ZNHIT3: variants seen among roughly 807,000 people sequenced by gnomAD.
ZNHIT3 encodes the protein zinc finger HIT-type containing 3.
A neutral mutation model predicts 19.9 loss-of-function variants in ZNHIT3; 27 were observed. That is an observed-to-expected ratio of 1.36 (90% CI 1.00 to 1.87). The LOEUF (loss-of-function observed/expected upper bound fraction) is 1.87. ZNHIT3 is among the 40% of genes most tolerant of loss of function. The probability of loss-of-function intolerance (pLI) is 0.00; values close to 1 mark genes in which losing one functional copy is unlikely to be tolerated. For missense variants in ZNHIT3, 215 were observed against 185.6 expected, an observed-to-expected ratio of 1.16 and a Z score of -0.92; for synonymous variants, 81 against 65.7, an observed-to-expected ratio of 1.23 and a Z score of -1.13.
chr17:36,492,929 A>G (rs892951618), intron 3 of ZNHIT3, 30 bp downstream of exon 3: 13 of 1,597,724 alleles, frequency 8.1e-6, no homozygotes, highest in Non-Finnish European at 1.1e-5. Context: ...ACAAATCTAC[A>G]AGGGACTTCA....
At chr17:36,493,227 G>A in intron 3 of ZNHIT3, 2 of 380,758 alleles carry the variant, frequency 5.3e-6, no homozygotes, top group Non-Finnish European at 9.6e-6. Context: ...GAATCTGGCT[G>A]GGACTGTCAG....
chr17:36,489,310 T>C (rs918278057), intron 2 of ZNHIT3: 1 of 152,172 alleles, frequency 6.6e-6, no homozygotes, highest in Non-Finnish European at 1.5e-5. Flanking sequence ...ATATATACAG[T>C]AGTGGGATTG....
chr17:36,495,990 G>A, downstream of ZNHIT3: 1 of 825,886 alleles, frequency 1.2e-6, no homozygotes, highest in East Asian at 2.9e-5. Context: ...GATCTGTGAA[G>A]GTAGTGAAAT....
downstream of ZNHIT3, chr17:36,499,194 A>T (rs1260322542): frequency 6.5e-7 from 1 of 1,540,526 alleles, no homozygotes; most frequent in East Asian, 2.3e-5. Flanking sequence ...GAAAGAGATA[A>T]TAAAGGGGCC....
chr17:36,495,697 C>G lies in ZNHIT3; in HGVS notation c.*293C>G, dbSNP rs918336803. ...GACATCATAAACGATATCAAGCTTACACTTCATATGGAGTTAAACTTGGTC... is the reference window on the plus strand; with the variant it reads ...GACATCATAAACGATATCAAGCTTAGACTTCATATGGAGTTAAACTTGGTC... On this transcript the variant is annotated 3_prime_UTR_variant, in exon 5 of 5. Transcript: ENST00000617429. 1 of 1,260,656 alleles carries G rather than the reference C, an allele frequency of 7.9e-7. No homozygotes were observed. The highest frequency in any genetic ancestry group is 1.5e-5 in the African/African-American group (1 of 65,164). The allele number at this position is 1,260,656 out of a possible 1,614,324, so 78.1% of individuals were successfully genotyped here.
intron 2 of ZNHIT3, among the ~76,000 whole-genome samples, chr17:36,488,978 C>G (rs1418995135): frequency 6.6e-6 from 1 of 152,190 alleles, no homozygotes; most frequent in Non-Finnish European, 1.5e-5. Context: ...CTACACTCTA[C>G]TCTTCCTAGC....
intron 2 of ZNHIT3, chr17:36,489,241 A>G (rs2070667984): frequency 6.6e-6 from 1 of 152,332 alleles, no homozygotes; most frequent in South Asian, 2.1e-4. Flanking sequence ...TGTTGTGACT[A>G]GCAGTAAACG....
At chr17:36,488,415 C>T (rs549563686) in intron 2 of ZNHIT3, among the ~76,000 whole-genome samples, 48 of 151,902 alleles carry the variant, frequency 3.2e-4, no homozygotes, top group African/African-American at 1.1e-3. Flanking sequence ...TGTGGAGGTG[C>T]GCGCCTGTAA....
At chr17:36,498,882 CACCT>C (rs1555567956), downstream of ZNHIT3, 2 of 597,022 alleles carry the variant, frequency 3.3e-6, no homozygotes, top group Non-Finnish European at 6.0e-6. Context: ...TACCACTCTT[CACCT>C]ACATAACCAC....
intron 4 of ZNHIT3, 117 bp from the exon 5 acceptor site, chr17:36,495,106 T>C: frequency 7.7e-7 from 1 of 1,301,746 alleles, no homozygotes; most frequent in Non-Finnish European, 1.0e-6. Flanking sequence ...ATTACAGGCA[T>C]GAGCCACCAC....
chr17:36,495,303 A>G lies in ZNHIT3; in HGVS notation c.367A>G (p.Lys123Glu), dbSNP rs775176015. ...GGTCAACCTCGATCAGGGAGAAGAC[A>G]AAGCAAAGCTCATGAGAGCTTACAT... ...LMVNLDQGEDKAKLMRAYMQE... is the reference protein window; with the variant it reads ...LMVNLDQGEDEAKLMRAYMQE... The change falls in exon 5 of 5, where the codon AAA (lysine) becomes GAA (glutamate). Residue 123 changes from lysine (K) to glutamate (E), a missense_variant. Coordinates refer to ENST00000617429, the MANE Select transcript of ZNHIT3 (RefSeq NM_004773.4). The G allele has an allele frequency of 6.2e-7, 1 of 1,613,954 alleles. No individual in the cohort carries two copies.
In ZNHIT3 at chr17:36,495,523, C is replaced by T; in HGVS notation, c.*119C>T. The T allele has an allele frequency of 7.2e-7, 1 of 1,379,374 alleles. No homozygotes were observed. The highest frequency in any genetic ancestry group is 9.3e-7 in the Non-Finnish European group (1 of 1,070,040). 85.4% of individuals were successfully genotyped at this position (1,379,374 alleles called of 1,614,324 possible). A position where few individuals can be genotyped will look rare whatever the true frequency, so the allele number is the denominator to read the frequency against. ...TCAGGCAAAAGAGGTTTCCAGGATG[C>T]AGATTAGGTCATGCAGGCCTTTACC... On this transcript the variant is annotated 3_prime_UTR_variant, in exon 5 of 5. Transcript: ENST00000617429.
chr17:36,498,998 G>T, downstream of ZNHIT3: 1 of 1,195,718 alleles, frequency 8.4e-7, no homozygotes, highest in Non-Finnish European at 1.2e-6. Flanking sequence ...CAGTGGCAGA[G>T]CCAGCATTCC....
Position 36,486,975 on chromosome 17 carries a change from C to T in ZNHIT3, c.118+9C>T, listed in dbSNP as rs530544811. On this transcript the variant is annotated intron_variant, in intron 2 of 4. Transcript: ENST00000617429. Reference sequence around the variant, plus strand: ...CTTCCGGAAGCACAAAGGTGAGCCCCGTCCCCGCCAGCCCTCGTACCACTG... The same window carrying T: ...CTTCCGGAAGCACAAAGGTGAGCCCTGTCCCCGCCAGCCCTCGTACCACTG... 5 of 1,610,882 alleles carry T rather than the reference C, an allele frequency of 3.1e-6. No homozygotes were observed. In the African/African-American group the frequency reaches 6.7e-5, roughly 22 times the overall value.
intron 3 of ZNHIT3, 162 bp downstream of exon 3, chr17:36,493,061 G>A: frequency 1.5e-6 from 1 of 670,392 alleles, no homozygotes; most frequent in Non-Finnish European, 2.6e-6. Flanking sequence ...ATGTCATCAT[G>A]GGTGATATTG....
At chr17:36,488,012 C>T (rs2070621971) in intron 2 of ZNHIT3, among the ~76,000 whole-genome samples, 2 of 148,554 alleles carry the variant, frequency 1.3e-5, no homozygotes, top group Admixed American at 6.8e-5. Context: ...GTGGGAAGAT[C>T]GCTTGAGCCT....
downstream of ZNHIT3, chr17:36,498,495 G>A (rs2142696500): frequency 1.9e-6 from 3 of 1,614,068 alleles, no homozygotes; most frequent in Non-Finnish European, 2.5e-6. Flanking sequence ...GGAACAGGGA[G>A]CTTGAGAGAA....
chr17:36,488,883 A>G (rs1027353929), intron 2 of ZNHIT3, among the ~76,000 whole-genome samples: 4 of 152,202 alleles, frequency 2.6e-5, no homozygotes, highest in African/African-American at 9.6e-5. Flanking sequence ...CAACATGGTC[A>G]CACTAAGGTA....
chr17:36,489,541 T>TTAGTG (rs1355878460), intron 2 of ZNHIT3: 2 of 152,200 alleles, frequency 1.3e-5, no homozygotes, highest in Non-Finnish European at 2.9e-5. Context: ...TCCCTAATAA[T>TTAGTG]TAGTGATGTT....
Sources: allele counts gnomAD v4.1 joint callset (sites outside exome capture counted in the v4.1 genomes callset), GRCh38; gene constraint gnomAD v4.1.1; transcripts MANE v1.5; gene names NCBI Gene and HGNC (gene_info 2026-07-23, HGNC 2026-07-21).